NALF1: variants seen among roughly 807,000 people sequenced by gnomAD.
NALF1 encodes NALCN channel auxiliary factor 1, also known as family with sequence similarity 155 member A.
NALF1 carries 3 observed loss-of-function variants against 48.4 expected under a neutral mutation model. That is an observed-to-expected ratio of 0.06 (90% CI 0.03 to 0.16). NALF1 has a LOEUF of 0.16. NALF1 is among the 10% of genes least tolerant of loss of function. NALF1 has a pLI of 1.00. For missense variants in NALF1, 526 were observed against 571.5 expected (o/e 0.92, Z 0.81); for synonymous variants, 262 against 245.7 (o/e 1.07, Z -0.62).
intron 1 of NALF1, among the ~76,000 whole-genome samples, chr13:107,656,581 A>G (rs1880582428): frequency 2.6e-5 from 4 of 152,196 alleles, no homozygotes; most frequent in African/African-American, 9.7e-5. Context: ...TGGTACAGCC[A>G]CTATGGAAAA....
At chr13:107,559,385 T>A (rs1269066688) in intron 1 of NALF1, among the ~76,000 whole-genome samples, 2 of 152,102 alleles carry the variant, frequency 1.3e-5, no homozygotes, top group African/African-American at 4.8e-5. Flanking sequence ...AAGAGTAGAC[T>A]ACAATGTTAG....
chr13:107,165,227 T>G lies in NALF1; in HGVS notation c.*5270A>C, dbSNP rs1594049873. The G allele has an allele frequency of 6.6e-6, 1 of 152,208 alleles. No homozygotes were observed. The highest frequency in any genetic ancestry group is 1.5e-5 in the Non-Finnish European group (1 of 68,038). The allele number at this position is 152,208 out of a possible 1,614,324, so 9.4% of individuals were successfully genotyped here. ...CAAAGTCATGGAACAAAATGTAACA[T>G]GACAAACGAACTCTGAGACATTCGC... is the stretch of plus-strand genomic sequence containing the variant. On this transcript the variant is annotated 3_prime_UTR_variant, in exon 3 of 3. Coordinates refer to ENST00000375915, the MANE Select transcript of NALF1 (RefSeq NM_001080396.3).
At chr13:107,484,016 C>T (rs908302453) in intron 1 of NALF1, among the ~76,000 whole-genome samples, 11 of 151,660 alleles carry the variant, frequency 7.3e-5, no homozygotes, top group African/African-American at 2.2e-4. Flanking sequence ...TTTTATTCAC[C>T]GTTTAACAGC....
At chr13:107,817,325 A>T (rs1879197755) in intron 1 of NALF1, among the ~76,000 whole-genome samples, 1 of 152,228 alleles carries the variant, frequency 6.6e-6, no homozygotes, top group African/African-American at 2.4e-5. Flanking sequence ...CAATGCATAT[A>T]GGTGTGGTGT....
At chr13:107,547,889 A>G (rs1212781229) in intron 1 of NALF1, among the ~76,000 whole-genome samples, 1 of 152,206 alleles carries the variant, frequency 6.6e-6, no homozygotes, top group African/African-American at 2.4e-5. Context: ...CAGCAGTAGT[A>G]GCACAAGTAA....
chr13:107,762,279 G>C (rs1321794342), intron 1 of NALF1, among the ~76,000 whole-genome samples: 2 of 151,720 alleles, frequency 1.3e-5, no homozygotes, highest in Non-Finnish European at 1.5e-5. Flanking sequence ...GTGATGGTTG[G>C]AAATAACAAG....
At chr13:107,609,277 G>A (rs1879158881) in intron 1 of NALF1, among the ~76,000 whole-genome samples, 1 of 152,154 alleles carries the variant, frequency 6.6e-6, no homozygotes, top group Non-Finnish European at 1.5e-5. Context: ...TCTTCGCCGA[G>A]AGCAGTTTAT....
intron 1 of NALF1, among the ~76,000 whole-genome samples, chr13:107,329,253 A>G (rs1184220684): frequency 6.6e-6 from 1 of 152,226 alleles, no homozygotes; most frequent in Non-Finnish European, 1.5e-5. Context: ...TGAAGGCATA[A>G]TGAGCAGTAA....
intron 1 of NALF1, among the ~76,000 whole-genome samples, chr13:107,431,769 G>A (rs1457440505): frequency 2.6e-5 from 4 of 152,056 alleles, no homozygotes. Flanking sequence ...TTTCTTAACA[G>A]GGGTTCTGTG....
At chr13:107,318,761 G>A (rs1463409499) in intron 1 of NALF1, among the ~76,000 whole-genome samples, 1 of 152,018 alleles carries the variant, frequency 6.6e-6, no homozygotes, top group African/African-American at 2.4e-5. Flanking sequence ...AATGTTCATG[G>A]TGACACTGAT....
At chr13:107,791,790 T>G (rs571594979) in intron 1 of NALF1, among the ~76,000 whole-genome samples, 1 of 145,972 alleles carries the variant, frequency 6.9e-6, no homozygotes, top group Non-Finnish European at 1.5e-5. Flanking sequence ...CCCCCCCCCG[T>G]CTCTACTAAA....
At chr13:107,505,606 T>G (rs1267735816) in intron 1 of NALF1, among the ~76,000 whole-genome samples, 3 of 151,954 alleles carry the variant, frequency 2.0e-5, no homozygotes, top group Non-Finnish European at 4.4e-5. Flanking sequence ...CAACCGGGAA[T>G]GAGGAAGAAT....
At chr13:107,799,312 T>C (rs565225695) in intron 1 of NALF1, among the ~76,000 whole-genome samples, 1 of 152,206 alleles carries the variant, frequency 6.6e-6, no homozygotes, top group African/African-American at 2.4e-5. Context: ...GCTCCTTTTA[T>C]GAGGCTGGCT....
chr13:107,212,163 TA>T (rs879586352), intron 1 of NALF1, among the ~76,000 whole-genome samples: 2 of 152,216 alleles, frequency 1.3e-5, no homozygotes, highest in Admixed American at 1.3e-4. Context: ...TGTATTTTTT[TA>T]TTCATAACAT....
chr13:107,609,179 C>T (rs979641724), intron 1 of NALF1, among the ~76,000 whole-genome samples: 1 of 152,220 alleles, frequency 6.6e-6, no homozygotes, highest in Non-Finnish European at 1.5e-5. Context: ...CCCTTAGCTC[C>T]CCTATCCTGG....
chr13:107,330,311 G>A (rs1412262832), intron 1 of NALF1, among the ~76,000 whole-genome samples: 2 of 152,182 alleles, frequency 1.3e-5, no homozygotes, highest in African/African-American at 4.8e-5. Context: ...AAGATGCTGA[G>A]AAATATATGA....
intron 1 of NALF1, among the ~76,000 whole-genome samples, chr13:107,218,134 G>A (rs1368587002): frequency 6.6e-5 from 10 of 152,116 alleles, no homozygotes; most frequent in Admixed American, 6.6e-4. Flanking sequence ...TGCCCTCGGT[G>A]GCTCTGCACC....
intron 1 of NALF1, among the ~76,000 whole-genome samples, chr13:107,832,487 T>G (rs762118323): frequency 2.6e-5 from 4 of 152,148 alleles, no homozygotes; most frequent in South Asian, 2.1e-4. Flanking sequence ...TAACCCCAGT[T>G]GGATCCCACA....
chr13:107,830,129 T>C (rs1213364680), intron 1 of NALF1, among the ~76,000 whole-genome samples: 1 of 152,188 alleles, frequency 6.6e-6, no homozygotes, highest in Non-Finnish European at 1.5e-5. Context: ...CTCTGGCCCA[T>C]TTCCCTTTCT....
Sources: allele counts gnomAD v4.1 joint callset (sites outside exome capture counted in the v4.1 genomes callset), GRCh38; gene constraint gnomAD v4.1.1; transcripts MANE v1.5; gene names NCBI Gene and HGNC (gene_info 2026-07-23, HGNC 2026-07-21).